ALK: variants seen among roughly 807,000 people sequenced by gnomAD.
ALK encodes the protein ALK tyrosine kinase receptor.
A neutral mutation model predicts 163.1 loss-of-function variants in ALK; 74 were observed. The observed-to-expected ratio is 0.45, with a 90% CI of 0.38 to 0.55. The LOEUF is 0.55. Among genes scored for constraint, ALK ranks in the 20% least tolerant of loss-of-function variants. ALK has a pLI of 0.00. For missense variants in ALK, 2,063 were observed against 2,105.3 expected, an observed-to-expected ratio of 0.98 and a Z score of 0.39; for synonymous variants, 960 against 843.2, an observed-to-expected ratio of 1.14 and a Z score of -2.40.
chr2:29,696,936 A>T (rs930765456), intron 2 of ALK, among the ~76,000 whole-genome samples: 1 of 147,792 alleles, frequency 6.8e-6, no homozygotes, highest in African/African-American at 2.5e-5. Flanking sequence ...AAAAAAAAAA[A>T]TAAAATAAAA....
chr2:29,773,015 G>A (rs528527459), intron 1 of ALK, among the ~76,000 whole-genome samples: 52 of 143,706 alleles, frequency 3.6e-4, no homozygotes, highest in African/African-American at 1.3e-3. Context: ...TTTCACTGTT[G>A]TCTTGCTTGT....
chr2:29,793,078 T>C (rs1329673317), intron 1 of ALK, among the ~76,000 whole-genome samples: 1 of 152,228 alleles, frequency 6.6e-6, no homozygotes, highest in Non-Finnish European at 1.5e-5. Context: ...TCTCAAACCC[T>C]GCCACTGCTT....
At chr2:29,493,315 G>T (rs115952779) in intron 4 of ALK, among the ~76,000 whole-genome samples, 1 of 152,006 alleles carries the variant, frequency 6.6e-6, no homozygotes, top group Admixed American at 6.5e-5. Flanking sequence ...TAATTACTCC[G>T]CTGTTTCAGG....
At chr2:29,814,681 T>C (rs891128797) in intron 1 of ALK, among the ~76,000 whole-genome samples, 4 of 151,040 alleles carry the variant, frequency 2.6e-5, no homozygotes, top group Admixed American at 2.6e-4. Flanking sequence ...AAAAAAAGAC[T>C]GTCTCTAAAA....
chr2:29,815,804 T>C (rs1335284108), intron 1 of ALK, among the ~76,000 whole-genome samples: 1 of 152,120 alleles, frequency 6.6e-6, no homozygotes, highest in African/African-American at 2.4e-5. Context: ...GACCCAAAAC[T>C]GAGGCCCTGG....
chr2:29,246,651 C>T lies in ALK; in HGVS notation c.2204+4454G>A, dbSNP rs1181346161. Among the ~76,000 whole-genome samples, 6 of 152,144 alleles carry T rather than the reference C, an allele frequency of 3.9e-5. No homozygotes were observed. Among genetic ancestry groups the T allele is most frequent in the Admixed American group, 3.9e-4 (6 of 15,282 alleles). On this transcript the variant is annotated intron_variant, in intron 12 of 28. Transcript: ENST00000389048. The surrounding 1 kb of genome is among the most constrained non-coding windows in gnomAD (Gnocchi z 4.3). ...TCCATGCCAGAGCGTGGATGTAGTC[C>T]CAGCGTTGCACCCGACCCCACATTC...
chr2:29,327,764 G>T (rs1372962622), intron 6 of ALK, among the ~76,000 whole-genome samples: 1 of 152,222 alleles, frequency 6.6e-6, no homozygotes, highest in Non-Finnish European at 1.5e-5. Flanking sequence ...TATTTGGATG[G>T]ATCCACTGGA....
intron 3 of ALK, among the ~76,000 whole-genome samples, chr2:29,653,819 T>G (rs1677101382): frequency 2.0e-5 from 3 of 152,120 alleles, no homozygotes; most frequent in Admixed American, 6.5e-5. Context: ...TCCAGCACTT[T>G]GGGAGGCCAA....
intron 4 of ALK, among the ~76,000 whole-genome samples, chr2:29,467,596 C>G (rs976287522): frequency 2.0e-5 from 3 of 152,208 alleles, no homozygotes; most frequent in Non-Finnish European, 2.9e-5. Flanking sequence ...TCTGCTCATT[C>G]TTTCTGGTAT....
intron 1 of ALK, among the ~76,000 whole-genome samples, chr2:29,789,015 CTGTGTGTGTG>C (rs57619106): frequency 0.032 from 4,044 of 125,470 alleles, 119 homozygotes; most frequent in African/African-American, 0.081. Flanking sequence ...TCCTGGTACA[CTGTGTGTGTG>C]TGTGTGTGTG....
intron 1 of ALK, among the ~76,000 whole-genome samples, chr2:29,887,654 C>T (rs1667019008): frequency 6.6e-6 from 1 of 152,096 alleles, no homozygotes; most frequent in African/African-American, 2.4e-5. Flanking sequence ...GAGGGTTGGG[C>T]CTTGGATTCT....
chr2:29,203,986 A>G (rs1669251207), intron 26 of ALK, among the ~76,000 whole-genome samples: 2 of 152,082 alleles, frequency 1.3e-5, no homozygotes, highest in African/African-American at 4.8e-5. Context: ...TAAATAAAAA[A>G]TTATTATATT....
At chr2:29,810,814 G>T (rs1218797395) in intron 1 of ALK, among the ~76,000 whole-genome samples, 3 of 152,078 alleles carry the variant, frequency 2.0e-5, no homozygotes, top group Non-Finnish European at 2.9e-5. Context: ...TGTATTTAAA[G>T]ATAGAGTCTT....
chr2:29,572,739 G>A (rs1367661765), intron 3 of ALK, among the ~76,000 whole-genome samples: 1 of 152,164 alleles, frequency 6.6e-6, no homozygotes, highest in Non-Finnish European at 1.5e-5. Context: ...CTCAAAACAT[G>A]GGAGCTGAAC....
At chr2:29,862,775 AAATTCATATAG>A (rs1243463967) in intron 1 of ALK, among the ~76,000 whole-genome samples, 1 of 152,130 alleles carries the variant, frequency 6.6e-6, no homozygotes, top group African/African-American at 2.4e-5. Context: ...AGCAATCCTA[AAATTCATATAG>A]AACCAGAAAA....
intron 4 of ALK, among the ~76,000 whole-genome samples, chr2:29,503,003 G>C (rs184231258): frequency 2.2e-3 from 342 of 152,254 alleles, no homozygotes; most frequent in African/African-American, 7.7e-3. Flanking sequence ...CTTTATGCAG[G>C]GTGGGCAACT....
chr2:29,467,907 G>A (rs1671251748), intron 4 of ALK, among the ~76,000 whole-genome samples: 1 of 151,964 alleles, frequency 6.6e-6, no homozygotes, highest in African/African-American at 2.4e-5. Context: ...ATATTGTTAT[G>A]TAACATATTT....
rs368770999 is a variant in ALK at position 29,921,336 on chromosome 2, C to T, written c.-677G>A. On this transcript the variant is annotated 5_prime_UTR_variant, in exon 1 of 29. The change creates a new upstream start codon in the 5' untranslated region. Coordinates refer to ENST00000389048, the MANE Select transcript of ALK (RefSeq NM_004304.5). ...CAAGTTTGCAGCGTCCTTGCTCTCA[C>T]CGGCGCCTCGGCTCCTCAGAGTTCG... The T allele has an allele frequency of 9.7e-4, 227 of 233,234 alleles. 1 individual carries two copies. The highest frequency in any genetic ancestry group is 4.8e-3 in the African/African-American group (216 of 45,468). The allele number at this position is 233,234 out of a possible 1,614,324, so 14.4% of individuals were successfully genotyped here.
chr2:29,913,911 T>TA (rs1229066694), intron 1 of ALK, among the ~76,000 whole-genome samples: 1 of 150,698 alleles, frequency 6.6e-6, no homozygotes, highest in Non-Finnish European at 1.5e-5. Flanking sequence ...CTAATTAAAA[T>TA]AAAAGAGTTA....
Sources: allele counts gnomAD v4.1 joint callset (sites outside exome capture counted in the v4.1 genomes callset), GRCh38; gene constraint gnomAD v4.1.1; non-coding constraint Gnocchi (gnomAD v3.1); transcripts MANE v1.5; gene names NCBI Gene and HGNC (gene_info 2026-07-23, HGNC 2026-07-21).